The following NTRK3 variants were observed in gnomAD, a reference collection of about 807,000 sequenced individuals.
NTRK3 encodes the protein NT-3 growth factor receptor.
A neutral mutation model predicts 91.7 loss-of-function variants in NTRK3; 24 were observed. That is an observed-to-expected ratio of 0.26 (90% CI 0.19 to 0.37). The LOEUF (loss-of-function observed/expected upper bound fraction) is 0.37, where lower values mean the gene tolerates loss of function less well. Ranked by LOEUF, NTRK3 falls within the 10% of genes least tolerant of loss-of-function variation. The pLI is 1.00. For missense variants in NTRK3, 880 were observed against 1,068.9 expected (o/e 0.82, Z 2.46); for synonymous variants, 483 against 404.0 (o/e 1.20, Z -2.34).
At chr15:88,113,766 T>C (rs1320290788) in intron 13 of NTRK3, among the ~76,000 whole-genome samples, 1 of 152,218 alleles carries the variant, frequency 6.6e-6, no homozygotes, top group Non-Finnish European at 1.5e-5. Context: ...ATTGTTTTCA[T>C]GCTACAACAG....
chr15:88,026,602 C>A (rs1336181903), intron 14 of NTRK3, among the ~76,000 whole-genome samples: 3 of 152,160 alleles, frequency 2.0e-5, no homozygotes, highest in African/African-American at 4.8e-5. Flanking sequence ...ACTTGTCCAA[C>A]ACAAGCAGTG....
At chr15:87,985,370 G>C (rs1032650054) in intron 14 of NTRK3, among the ~76,000 whole-genome samples, 1 of 152,168 alleles carries the variant, frequency 6.6e-6, no homozygotes, top group Non-Finnish European at 1.5e-5. Flanking sequence ...TAATATAGCT[G>C]TACATTTCAT....
intron 14 of NTRK3, among the ~76,000 whole-genome samples, chr15:88,025,422 A>G (rs762099513): frequency 6.6e-6 from 1 of 152,244 alleles, no homozygotes; most frequent in Non-Finnish European, 1.5e-5. Flanking sequence ...CCTAACTCCC[A>G]GTGCCTTACA....
chr15:87,993,219 G>A (rs2075422435), intron 14 of NTRK3, among the ~76,000 whole-genome samples: 1 of 152,102 alleles, frequency 6.6e-6, no homozygotes, highest in African/African-American at 2.4e-5. Context: ...AGGATATGAT[G>A]AGCAAAAGAC....
rs554925617 is a variant in NTRK3 at position 87,882,232 on chromosome 15, G to T, written c.2134-1804C>A. ...TTTCAACCTGGGACTTTCTAATCAGGATAGTTTTGTATCCAGTGTAAAGAA... is the reference window on the plus strand; with the variant it reads ...TTTCAACCTGGGACTTTCTAATCAGTATAGTTTTGTATCCAGTGTAAAGAA... On this transcript the variant is annotated intron_variant, in intron 17 of 18. Transcript: ENST00000394480. Among the ~76,000 whole-genome samples the T allele has an allele frequency of 2.2e-3, 328 of 152,212 alleles. 1 individual carries two copies. Among genetic ancestry groups the T allele is most frequent in the African/African-American group, 6.9e-3 (287 of 41,538 alleles).
chr15:87,987,932 T>C (rs1283304017), intron 14 of NTRK3, among the ~76,000 whole-genome samples: 2 of 151,932 alleles, frequency 1.3e-5, no homozygotes, highest in East Asian at 3.9e-4. Flanking sequence ...GTTTAATAAA[T>C]CTCCCTTACA....
At chr15:88,006,291 A>G (rs1483839951) in intron 14 of NTRK3, among the ~76,000 whole-genome samples, 1 of 152,188 alleles carries the variant, frequency 6.6e-6, no homozygotes, top group African/African-American at 2.4e-5. Flanking sequence ...AGGGATTTAA[A>G]TTACACAGGG....
At chr15:88,076,494 G>T (rs2047554728) in intron 13 of NTRK3, among the ~76,000 whole-genome samples, 1 of 151,974 alleles carries the variant, frequency 6.6e-6, no homozygotes, top group Admixed American at 6.6e-5. Context: ...ACCAGATGAG[G>T]CTTCTTTCAC....
rs61498493 is a variant in NTRK3 at position 87,900,690 on chromosome 15, GGTGTGTGT to G, written c.2134-20270_2134-20263del. On this transcript the variant is annotated intron_variant, in intron 17 of 18. Transcript: ENST00000394480. ...GCATCAGCAGCCTGACTTTACAGAG[GGTGTGTGT>G]GTGTGTGTGTGTGTGTGTGTGTGTG... 2.3e-3 allele frequency among the ~76,000 whole-genome samples: 323 copies of G among 138,332 alleles called. 4 individuals are homozygous for G. Among genetic ancestry groups the G allele is most frequent in the African/African-American group, 8.2e-3 (302 of 36,962 alleles). 90.8% of individuals were successfully genotyped at this position (138,332 alleles called of 152,430 possible). A position where few individuals can be genotyped will look rare whatever the true frequency, so the allele number is the denominator to read the frequency against.
chr15:87,945,106 C>G (rs1393714683), intron 14 of NTRK3, among the ~76,000 whole-genome samples: 1 of 152,108 alleles, frequency 6.6e-6, no homozygotes, highest in Non-Finnish European at 1.5e-5. Flanking sequence ...GGATGAATAC[C>G]CCAGGCCGTG....
intron 17 of NTRK3, among the ~76,000 whole-genome samples, chr15:87,917,382 T>C (rs1024633844): frequency 1.3e-5 from 2 of 152,212 alleles, no homozygotes; most frequent in African/African-American, 2.4e-5. Context: ...TGGGATGATT[T>C]TGATGCTATT....
chr15:88,042,873 C>G (rs1292100046), intron 13 of NTRK3, among the ~76,000 whole-genome samples: 1 of 152,194 alleles, frequency 6.6e-6, no homozygotes, highest in South Asian at 2.1e-4. Context: ...AACAGATCCA[C>G]GTCTATCTGA....
At chr15:87,955,653 C>G (rs1240490994) in intron 14 of NTRK3, among the ~76,000 whole-genome samples, 1 of 152,176 alleles carries the variant, frequency 6.6e-6, no homozygotes, top group African/African-American at 2.4e-5. Context: ...CCTACACCAA[C>G]GCCTCTGAGT....
intron 3 of NTRK3, among the ~76,000 whole-genome samples, chr15:88,222,493 C>A (rs2050317537): frequency 6.6e-6 from 1 of 152,174 alleles, no homozygotes; most frequent in African/African-American, 2.4e-5. Flanking sequence ...GATATATCAT[C>A]CCTCATTTTA....
At chr15:88,133,441 G>T (rs1025743422) in intron 10 of NTRK3, among the ~76,000 whole-genome samples, 3 of 152,096 alleles carry the variant, frequency 2.0e-5, no homozygotes, top group Non-Finnish European at 4.4e-5. Context: ...GCATTCTAGG[G>T]TTCCCCCCTC....
At chr15:88,172,143 T>C (rs911412197) in intron 5 of NTRK3, among the ~76,000 whole-genome samples, 2 of 151,800 alleles carry the variant, frequency 1.3e-5, no homozygotes, top group East Asian at 1.9e-4. Context: ...CAGAGGCCTC[T>C]TGGACCCAAG....
chr15:88,033,831 T>TTATTTTCTTATG (rs2078824535), intron 13 of NTRK3, among the ~76,000 whole-genome samples: 1 of 152,208 alleles, frequency 6.6e-6, no homozygotes, highest in Admixed American at 6.5e-5. Context: ...TTAAATACGT[T>TTATTTTCTTATG]TATTTTCTTA....
chr15:87,866,181 C>G (rs1333604216), exon 19 of NTRK3: 4 of 224,180 alleles, frequency 1.8e-5, no homozygotes, highest in Non-Finnish European at 3.6e-5. Flanking sequence ...TTTCCAAGAT[C>G]TCTCAGCAGG....
Position 88,107,179 on chromosome 15 carries a change from A to T in NTRK3, c.1396+19092T>A, listed in dbSNP as rs1226811825. 2.6e-5 allele frequency among the ~76,000 whole-genome samples: 4 copies of T among 152,064 alleles called. No homozygotes were observed. The South Asian group carries it at 8.3e-4, about 32-fold the overall frequency. On this transcript the variant is annotated intron_variant, in intron 13 of 18. Transcript: ENST00000394480. The stretch of plus-strand genomic sequence containing the variant: ...AGTCCACAGGCCAGGTGCAGTGCTC[A>T]CATGTGTAATCCCAGCTCTTTGGGA...
Sources: allele counts gnomAD v4.1 joint callset (sites outside exome capture counted in the v4.1 genomes callset), GRCh38; gene constraint gnomAD v4.1.1; transcripts MANE v1.5; gene names NCBI Gene and HGNC (gene_info 2026-07-23, HGNC 2026-07-21).